Variants in SVEP1 observed in about 807,000 individuals in gnomAD.
SVEP1 encodes sushi, von Willebrand factor type A, EGF and pentraxin domain-containing protein 1.
In SVEP1, 164 loss-of-function variants were observed where a neutral mutation model predicts 367.3. The observed-to-expected ratio is 0.45, with a 90% CI of 0.39 to 0.51. The LOEUF is 0.51. Ranked by LOEUF, SVEP1 falls within the 20% of genes least tolerant of loss-of-function variation. The probability of loss-of-function intolerance (pLI) is 0.00; values close to 1 mark genes in which losing one functional copy is unlikely to be tolerated. For synonymous variants in SVEP1, 1,666 were observed against 1,611.6 expected (o/e 1.03, Z -0.81); for missense variants, 4,117 against 4,425.3 (o/e 0.93, Z 1.98).
rs769337830 is a variant in SVEP1, at chr9:110,411,133, C to T, written c.6578G>A (p.Ser2193Asn). Residue 2193 changes from serine (S) to asparagine (N), a missense_variant, in exon 37 of 48, where the codon AGT becomes AAT. Ser to Asn is a conservative substitution (Grantham distance 46). Around this residue, in one of 4 missense-constraint regions of SVEP1, gnomAD observed 1,765 missense variants for 1,781.1 expected, o/e 0.99. Coordinates refer to ENST00000374469, the MANE Select transcript of SVEP1 (RefSeq NM_153366.4). ...CGGGTGGCACGTCGGTATAGGACTA[C>T]TCCACTGCCCTGTGGCTTCGCAGGT... The part of the protein sequence containing the change: ...KSTCEATGQW[S>N]SPIPTCHPVS... 4 of 1,613,616 alleles carry T rather than the reference C, an allele frequency of 2.5e-6. No individual in the cohort carries two copies. Among genetic ancestry groups the T allele is most frequent in the South Asian group, 2.2e-5 (2 of 90,966 alleles).
intron 46 of SVEP1, among the ~76,000 whole-genome samples, chr9:110,371,917 C>G (rs899258828): frequency 1.3e-5 from 2 of 152,336 alleles, no homozygotes; most frequent in Middle Eastern, 3.4e-3. Context: ...CTGCCAAAAT[C>G]AGTTTTCTAA....
At chr9:110,483,206 T>G (rs1829222502) in intron 10 of SVEP1, among the ~76,000 whole-genome samples, 1 of 152,224 alleles carries the variant, frequency 6.6e-6, no homozygotes, top group African/African-American at 2.4e-5. Context: ...TTTTATAATT[T>G]TATTTGTCAA....
At chr9:110,416,862 G>A (rs1021432350) in intron 36 of SVEP1, among the ~76,000 whole-genome samples, 1 of 152,028 alleles carries the variant, frequency 6.6e-6, no homozygotes, top group African/African-American at 2.4e-5. Context: ...GTGGAGGACT[G>A]TTCTGTACAT....
At chr9:110,465,680 T>C (rs1828925118) in intron 18 of SVEP1, among the ~76,000 whole-genome samples, 185 bp downstream of exon 18, 2 of 152,214 alleles carry the variant, frequency 1.3e-5, no homozygotes, top group Non-Finnish European at 2.9e-5. Context: ...ACGGCAGGTA[T>C]TTATACCTAA....
At chr9:110,429,805 T>C (rs1828322818) in intron 34 of SVEP1, 115 bp downstream of exon 34, 6 of 775,572 alleles carry the variant, frequency 7.7e-6, no homozygotes, top group African/African-American at 3.5e-5. Context: ...TAATTACATA[T>C]TAATTCAAAA....
At chr9:110,380,608 G>C (rs1827419860) in intron 43 of SVEP1, among the ~76,000 whole-genome samples, 1 of 152,110 alleles carries the variant, frequency 6.6e-6, no homozygotes, top group Non-Finnish European at 1.5e-5. Flanking sequence ...ATTTTATTGA[G>C]GATTTTTGTA....
rs564820217 is a variant in SVEP1, at chr9:110,418,917, A to G, written c.5976-7182T>C. 9.0e-4 allele frequency among the ~76,000 whole-genome samples: 92 copies of G among 102,380 alleles called. 12 individuals are homozygous for G. The highest frequency in any genetic ancestry group is 2.9e-3 in the African/African-American group (84 of 28,990). 67.2% of individuals were successfully genotyped at this position (102,380 alleles called of 152,430 possible). A position where few individuals can be genotyped will look rare whatever the true frequency, so the allele number is the denominator to read the frequency against. On this transcript the variant is annotated intron_variant, in intron 36 of 47. Transcript: ENST00000374469. ...ATACTTTATAGACAAGCAAATGCTGAGAGATTTTGTCACCACCAGGCCTGC... is the reference window on the plus strand; with the variant it reads ...ATACTTTATAGACAAGCAAATGCTGGGAGATTTTGTCACCACCAGGCCTGC...
intron 1 of SVEP1, among the ~76,000 whole-genome samples, chr9:110,554,097 C>A (rs1052148029): frequency 2.0e-5 from 3 of 152,162 alleles, no homozygotes; most frequent in African/African-American, 7.2e-5. Flanking sequence ...TGGGTATAAT[C>A]TCTGCATCCA....
At chr9:110,525,562 A>C (rs1186114404) in intron 3 of SVEP1, among the ~76,000 whole-genome samples, 1 of 152,182 alleles carries the variant, frequency 6.6e-6, no homozygotes, top group Non-Finnish European at 1.5e-5. Context: ...TTAAATGTAG[A>C]CAATATTCTA....
chr9:110,528,152 GTGTGTATATATATA>G (rs1031971312), intron 3 of SVEP1, among the ~76,000 whole-genome samples: 2 of 22,082 alleles, frequency 9.1e-5, no homozygotes, highest in Non-Finnish European at 3.1e-4. Flanking sequence ...GTGTGTGTGT[GTGTGTATATATATA>G]TATATATATA....
At chr9:110,555,840 T>G (rs1406228426) in intron 1 of SVEP1, among the ~76,000 whole-genome samples, 1 of 152,224 alleles carries the variant, frequency 6.6e-6, no homozygotes, top group African/African-American at 2.4e-5. Flanking sequence ...TGCTTCATCG[T>G]ACTTGAATAA....
At chr9:110,425,201 C>T (rs192865633) in intron 36 of SVEP1, among the ~76,000 whole-genome samples, 4 of 152,074 alleles carry the variant, frequency 2.6e-5, no homozygotes, top group South Asian at 2.1e-4. Flanking sequence ...AAAGACTACA[C>T]GTGGTAGTGA....
chr9:110,555,121 T>G (rs1830339637), intron 1 of SVEP1, among the ~76,000 whole-genome samples: 1 of 152,010 alleles, frequency 6.6e-6, no homozygotes, highest in African/African-American at 2.4e-5. Context: ...CCTAAGCTTG[T>G]GCTCATTTTG....
Position 110,411,460 on chromosome 9 carries a change from T to C in SVEP1, c.6251A>G (p.Glu2084Gly). The C allele has an allele frequency of 6.2e-7, 1 of 1,614,042 alleles. No homozygotes were observed. Among genetic ancestry groups the C allele is most frequent in the East Asian group, 2.2e-5 (1 of 44,890 alleles). ...DMPRCIAHFC[E>G]KPPSVSYSIL... is the part of the protein sequence containing the mutation. ...GCTATAGGAAACCGATGGAGGTTTT[T>C]CACAGAAATGAGCTATACAACGGGG... The change falls in exon 37 of 48, where the codon GAA becomes GGA. Residue 2084 changes from glutamate (E) to glycine (G), a missense_variant. This residue lies in a region of SVEP1 where 2,174 missense variants were observed against 2,494.3 expected (regional missense o/e 0.87). Transcript: ENST00000374469.
At position 110,431,766 on chromosome 9, in the gene SVEP1, G is replaced by T. The variant is rs1295247827; in HGVS notation, c.5353+149C>A. On this transcript the variant is annotated intron_variant, in intron 32 of 47. Coordinates refer to ENST00000374469, the MANE Select transcript of SVEP1 (RefSeq NM_153366.4). ...AAGCACTTTTAGTTGTTACTGATGT[G>T]TCTTTTGTAAGAACTTTATCTTATC... The T allele has an allele frequency of 6.6e-6, 7 of 1,053,460 alleles. No homozygotes were observed. In the Admixed American group the frequency reaches 1.2e-4, roughly 18 times the overall value. 65.3% of individuals were successfully genotyped at this position (1,053,460 alleles called of 1,614,324 possible).
chr9:110,513,910 C>T lies in SVEP1; in HGVS notation c.1123+38G>A, dbSNP rs776095435. On this transcript the variant is annotated intron_variant, in intron 4 of 47. Coordinates refer to ENST00000374469, the MANE Select transcript of SVEP1 (RefSeq NM_153366.4). The stretch of plus-strand genomic sequence containing the variant: ...GCACTATTTCTCTCAGAGAAATCAG[C>T]TTTTATATTTCCCATTTTCCAACAG... 2.5e-6 allele frequency: 4 copies of T among 1,586,308 alleles called. No homozygotes were observed. The East Asian group carries it at 9.0e-5, about 36-fold the overall frequency.
At chr9:110,577,546 G>A (rs926362028) in intron 1 of SVEP1, among the ~76,000 whole-genome samples, 21 of 152,138 alleles carry the variant, frequency 1.4e-4, no homozygotes, top group African/African-American at 5.1e-4. Context: ...AAATGAGAGA[G>A]CTATTCTAAA....
intron 1 of SVEP1, among the ~76,000 whole-genome samples, chr9:110,552,845 G>T (rs1830307988): frequency 6.6e-6 from 1 of 152,160 alleles, no homozygotes; most frequent in South Asian, 2.1e-4. Flanking sequence ...GGTGGTAAAG[G>T]AGAGGGCACC....
chr9:110,431,937 T>C lies in SVEP1; in HGVS notation c.5331A>G (p.Thr1777=). ...SYICSCVPPY[T]GDGKNCAEPI... Reference sequence around the variant, plus strand: ...TACCTGCACAGTTTTTCCCATCTCCTGTGTACGGTGGGACACATGAACATA... The same window carrying C: ...TACCTGCACAGTTTTTCCCATCTCCCGTGTACGGTGGGACACATGAACATA... Residue 1777 remains threonine, a synonymous_variant, in exon 32 of 48, where the codon ACA becomes ACG. Coordinates refer to ENST00000374469, the MANE Select transcript of SVEP1 (RefSeq NM_153366.4). The C allele has an allele frequency of 1.2e-6, 2 of 1,613,690 alleles. No individual in the cohort carries two copies. Among genetic ancestry groups the C allele is most frequent in the Non-Finnish European group, 1.7e-6 (2 of 1,179,682 alleles).
Sources: allele counts gnomAD v4.1 joint callset (sites outside exome capture counted in the v4.1 genomes callset), GRCh38; gene constraint gnomAD v4.1.1; regional missense constraint gnomAD v4.1.1; transcripts MANE v1.5; gene names NCBI Gene and HGNC (gene_info 2026-07-23, HGNC 2026-07-21).